Variants in PLPPR1 observed in about 807,000 individuals in gnomAD.
The protein encoded by PLPPR1 is phospholipid phosphatase related 1.
PLPPR1 carries 10 observed loss-of-function variants against 33.1 expected under a neutral mutation model. The observed-to-expected ratio is 0.30, with a 90% CI of 0.19 to 0.51. The LOEUF (loss-of-function observed/expected upper bound fraction) is 0.51, where lower values mean the gene tolerates loss of function less well. PLPPR1 is among the 20% of genes least tolerant of loss of function. The probability of loss-of-function intolerance (pLI) is 0.97; values close to 1 mark genes in which losing one functional copy is unlikely to be tolerated. For synonymous variants in PLPPR1, 151 were observed against 151.0 expected (o/e 1.00, Z 0.00); for missense variants, 304 against 408.1 (o/e 0.74, Z 2.20).
chr9:101,096,011 AG>A (rs1419663552), intron 1 of PLPPR1, among the ~76,000 whole-genome samples: 1 of 152,192 alleles, frequency 6.6e-6, no homozygotes, highest in Non-Finnish European at 1.5e-5. Context: ...CAAAAATGAC[AG>A]AAGATGTGGT....
rs545343258 is a variant in PLPPR1 at position 101,081,210 on chromosome 9, C to A, written c.-46+52108C>A. ...GGGTGGGTGCAGAACTAAGTATGTG[C>A]TTTTTTTTAATTTTTATTTTTTTGA... On this transcript the variant is annotated intron_variant, in intron 1 of 7. Coordinates refer to ENST00000374874, the MANE Select transcript of PLPPR1 (RefSeq NM_207299.2). 2.6e-5 allele frequency among the ~76,000 whole-genome samples: 4 copies of A among 151,808 alleles called. 1 individual carries two copies. The East Asian group carries it at 7.7e-4, about 29-fold the overall frequency.
intron 5 of PLPPR1, among the ~76,000 whole-genome samples, chr9:101,310,288 A>G (rs1352299817): frequency 6.6e-6 from 1 of 152,206 alleles, no homozygotes; most frequent in Non-Finnish European, 1.5e-5. Flanking sequence ...GGCTGATACG[A>G]TATTGCTGGT....
chr9:101,077,779 G>C (rs1330348113), intron 1 of PLPPR1, among the ~76,000 whole-genome samples: 1 of 151,936 alleles, frequency 6.6e-6, no homozygotes, highest in Non-Finnish European at 1.5e-5. Flanking sequence ...TGGGTAGGGG[G>C]CCTAACCTTG....
chr9:101,090,532 AC>A (rs1479897418), intron 1 of PLPPR1, among the ~76,000 whole-genome samples: 6 of 151,880 alleles, frequency 4.0e-5, no homozygotes, highest in African/African-American at 1.2e-4. Context: ...CCCTTGACCC[AC>A]CCCAGTCTGG....
intron 1 of PLPPR1, among the ~76,000 whole-genome samples, chr9:101,057,393 A>C (rs879386275): frequency 3.3e-5 from 5 of 152,162 alleles, no homozygotes; most frequent in Non-Finnish European, 5.9e-5. Context: ...TTATGATCAG[A>C]AAAGTGGATT....
At chr9:101,053,181 A>G (rs916793571) in intron 1 of PLPPR1, among the ~76,000 whole-genome samples, 7 of 152,118 alleles carry the variant, frequency 4.6e-5, no homozygotes, top group African/African-American at 1.7e-4. Flanking sequence ...AAAAATGCCT[A>G]CGCTTCCCAT....
At position 101,255,572 on chromosome 9, in the gene PLPPR1, C is replaced by T. The variant is rs148865586; in HGVS notation, c.64-14308C>T. ...AGAGTTAGTTTACTGAACAGAATGC[C>T]TTGAAGTTTGATGTAATTATTTCCA... On this transcript the variant is annotated intron_variant, in intron 2 of 7. Coordinates refer to ENST00000374874, the MANE Select transcript of PLPPR1 (RefSeq NM_207299.2). Among the ~76,000 whole-genome samples, 31 of 152,228 alleles carry T rather than the reference C, an allele frequency of 2.0e-4. 1 individual carries two copies. The highest frequency in any genetic ancestry group is 2.0e-3 in the Admixed American group (31 of 15,288).
intron 1 of PLPPR1, among the ~76,000 whole-genome samples, chr9:101,170,516 G>A (rs1825926122): frequency 6.6e-6 from 1 of 152,122 alleles, no homozygotes; most frequent in African/African-American, 2.4e-5. Flanking sequence ...GATTGTGGGA[G>A]CTATAATTCA....
intron 2 of PLPPR1, among the ~76,000 whole-genome samples, chr9:101,266,185 G>C (rs961123962): frequency 6.6e-6 from 1 of 151,994 alleles, no homozygotes; most frequent in Non-Finnish European, 1.5e-5. Context: ...CCAACACTTT[G>C]GGAGGCTGAG....
In PLPPR1 at chr9:101,288,281, C is replaced by T. The variant is rs4574903; in HGVS notation, c.385+2045C>T. Among the ~76,000 whole-genome samples, 686 of 152,228 alleles carry T rather than the reference C, an allele frequency of 4.5e-3. 4 individuals are homozygous for T. The highest frequency in any genetic ancestry group is 7.3e-3 in the Non-Finnish European group (495 of 68,026). On this transcript the variant is annotated intron_variant, in intron 4 of 7. Coordinates refer to ENST00000374874, the MANE Select transcript of PLPPR1 (RefSeq NM_207299.2). ...GAGAGGCATGGTTCAGAAAGACCAC[C>T]GTTAAAGTAGAAATTTGTCACGCTG... is the stretch of plus-strand genomic sequence containing the variant.
At chr9:101,246,495 C>T (rs572185918) in intron 2 of PLPPR1, among the ~76,000 whole-genome samples, 1 of 152,036 alleles carries the variant, frequency 6.6e-6, no homozygotes, top group East Asian at 1.9e-4. Flanking sequence ...TTGGTAGATA[C>T]TATTGTTTCC....
intron 1 of PLPPR1, among the ~76,000 whole-genome samples, chr9:101,094,247 G>T (rs959455750): frequency 2.6e-5 from 4 of 152,122 alleles, no homozygotes; most frequent in Non-Finnish European, 5.9e-5. Context: ...TTTGCTATCT[G>T]GTTCTAACCT....
chr9:101,280,581 T>C (rs903058706), intron 3 of PLPPR1, among the ~76,000 whole-genome samples: 3 of 152,170 alleles, frequency 2.0e-5, no homozygotes, highest in African/African-American at 7.2e-5. Context: ...TCATTTATCA[T>C]GGCCAAGTGG....
At chr9:101,208,528 A>G (rs1359350469) in intron 2 of PLPPR1, among the ~76,000 whole-genome samples, 2 of 152,128 alleles carry the variant, frequency 1.3e-5, no homozygotes, top group African/African-American at 4.8e-5. Flanking sequence ...TTCAACCTTC[A>G]TTTGTTCCAA....
At chr9:101,194,163 G>A (rs777228511) in intron 2 of PLPPR1, among the ~76,000 whole-genome samples, 3 of 152,078 alleles carry the variant, frequency 2.0e-5, no homozygotes, top group Admixed American at 6.5e-5. Context: ...TTTTAAAAAC[G>A]TATTTTGAGT....
Position 101,324,673 on chromosome 9 carries a change from A to G in PLPPR1, c.*616A>G, listed in dbSNP as rs1238114082. Reference sequence around the variant, plus strand: ...TCTGGATTTGGAGGGTATTGGGGTTATATGATTCTTTCTTAGATAATGGCC... The same window carrying G: ...TCTGGATTTGGAGGGTATTGGGGTTGTATGATTCTTTCTTAGATAATGGCC... On this transcript the variant is annotated 3_prime_UTR_variant, in exon 8 of 8. Transcript: ENST00000374874. 6.6e-6 allele frequency: 1 copy of G among 152,468 alleles called. No homozygotes were observed. The highest frequency in any genetic ancestry group is 2.4e-5 in the African/African-American group (1 of 41,456). 9.4% of individuals were successfully genotyped at this position (152,468 alleles called of 1,614,324 possible). A position where few individuals can be genotyped will look rare whatever the true frequency, so the allele number is the denominator to read the frequency against.
chr9:101,066,737 A>G (rs1181971067), intron 1 of PLPPR1, among the ~76,000 whole-genome samples: 2 of 151,962 alleles, frequency 1.3e-5, no homozygotes, highest in East Asian at 1.9e-4. Flanking sequence ...CTGGCACTAA[A>G]AGGTGTTCCA....
intron 1 of PLPPR1, among the ~76,000 whole-genome samples, chr9:101,134,644 A>G (rs1831356562): frequency 1.3e-5 from 2 of 152,174 alleles, no homozygotes; most frequent in Admixed American, 6.6e-5. Flanking sequence ...TCAGCCTCCC[A>G]GAGTGCCGGG....
chr9:101,242,821 C>G (rs1827501961), intron 2 of PLPPR1, among the ~76,000 whole-genome samples: 1 of 152,036 alleles, frequency 6.6e-6, no homozygotes, highest in African/African-American at 2.4e-5. Context: ...ACAATGATAA[C>G]TAGAACTTGG....
Sources: gnomAD v4.1 joint callset for allele counts (sites outside exome capture counted in the v4.1 genomes callset) on GRCh38, gnomAD v4.1.1 for gene constraint, MANE v1.5 for transcripts, NCBI Gene and HGNC (gene_info 2026-07-23, HGNC 2026-07-21) for gene names.